Variants in NUAK1 observed in about 807,000 individuals in gnomAD.
The protein encoded by NUAK1 is NUAK family SNF1-like kinase 1.
In NUAK1, 26 loss-of-function variants were observed where a neutral mutation model predicts 56.9. That is an observed-to-expected ratio of 0.46 (90% CI 0.33 to 0.63). The LOEUF (loss-of-function observed/expected upper bound fraction) is 0.63. NUAK1 is among the 30% of genes least tolerant of loss of function. NUAK1 has a pLI of 0.02. For missense variants in NUAK1, 727 were observed against 876.1 expected, an observed-to-expected ratio of 0.83 and a Z score of 2.15; for synonymous variants, 337 against 336.0, an observed-to-expected ratio of 1.00 and a Z score of -0.03.
At chr12:106,102,062 C>T (rs755781584) in intron 2 of NUAK1, among the ~76,000 whole-genome samples, 6 of 151,952 alleles carry the variant, frequency 3.9e-5, no homozygotes, top group Non-Finnish European at 8.8e-5. Context: ...ACAGAACTTG[C>T]GTGGGAGAAG....
Position 106,112,151 on chromosome 12 carries a change from A to G in NUAK1, c.241-5626T>C, listed in dbSNP as rs879439079. Among the ~76,000 whole-genome samples, 7 of 152,162 alleles carry G rather than the reference A, an allele frequency of 4.6e-5. No homozygotes were observed. In the East Asian group the frequency reaches 1.4e-3, roughly 30 times the overall value. On this transcript the variant is annotated intron_variant, in intron 1 of 6. Transcript: ENST00000261402. ...CAGCAGGGAAGAAACACAGTCATAA[A>G]TATGGCATTAGCATCACTTAGTGAG...
chr12:106,115,753 C>G (rs889196747), intron 1 of NUAK1, among the ~76,000 whole-genome samples: 2 of 152,196 alleles, frequency 1.3e-5, no homozygotes, highest in Admixed American at 6.5e-5. Flanking sequence ...CGGCCCCAGA[C>G]GAGCATTTCC....
At chr12:106,128,912 C>A (rs1382230356) in intron 1 of NUAK1, among the ~76,000 whole-genome samples, 1 of 152,214 alleles carries the variant, frequency 6.6e-6, no homozygotes, top group Non-Finnish European at 1.5e-5. Flanking sequence ...ATTAACTCCG[C>A]ACCCCAGCCG....
Position 106,081,977 on chromosome 12 carries a change from C to T in NUAK1, c.579+1887G>A, listed in dbSNP as rs549046827. Among the ~76,000 whole-genome samples, 7 of 152,280 alleles carry T rather than the reference C, an allele frequency of 4.6e-5. No homozygotes were observed. The South Asian group carries it at 1.5e-3, about 32-fold the overall frequency. ...TTTCAGCCATGGCCTGACCACCACT[C>T]CCCAGGACCTAGGTAGGCACCTTCA... On this transcript the variant is annotated intron_variant, in intron 4 of 6. Coordinates refer to ENST00000261402, the MANE Select transcript of NUAK1 (RefSeq NM_014840.3).
intron 1 of NUAK1, among the ~76,000 whole-genome samples, chr12:106,129,540 AAAG>A (rs1483816202): frequency 6.6e-6 from 1 of 152,166 alleles, no homozygotes; most frequent in East Asian, 1.9e-4. Flanking sequence ...GGGCTGAAAC[AAAG>A]AAGTAAGGAA....
intron 2 of NUAK1, among the ~76,000 whole-genome samples, chr12:106,089,627 A>T (rs1380675150): frequency 6.6e-6 from 1 of 152,132 alleles, no homozygotes; most frequent in Admixed American, 6.6e-5. Context: ...ATCTCCACCA[A>T]AAATATAAAA....
chr12:106,124,393 T>G (rs750635737), intron 1 of NUAK1, among the ~76,000 whole-genome samples: 37 of 152,202 alleles, frequency 2.4e-4, no homozygotes, highest in Non-Finnish European at 4.7e-4. Context: ...GAGGAGATAT[T>G]GCAATCATTC....
At chr12:106,076,250 A>C (rs1324566721) in intron 4 of NUAK1, among the ~76,000 whole-genome samples, 3 of 152,220 alleles carry the variant, frequency 2.0e-5, no homozygotes, top group Non-Finnish European at 4.4e-5. Flanking sequence ...CCAGGGCATA[A>C]GAAGTTTTGC....
Position 106,131,803 on chromosome 12 carries a change from C to T in NUAK1, c.240+6611G>A, listed in dbSNP as rs147743635. On this transcript the variant is annotated intron_variant, in intron 1 of 6. Transcript: ENST00000261402. ...CAGTTAAAAGTTTACCGAAGAGTTT[C>T]GCTGTAAAGCCAACATCTGGCTGCT... is the stretch of plus-strand genomic sequence containing the variant. Among the ~76,000 whole-genome samples, 38 of 152,242 alleles carry T rather than the reference C, an allele frequency of 2.5e-4. No homozygotes were observed. In the East Asian group the frequency reaches 7.1e-3, roughly 29 times the overall value.
At chr12:106,121,480 T>C (rs765786128) in intron 1 of NUAK1, among the ~76,000 whole-genome samples, 1 of 152,192 alleles carries the variant, frequency 6.6e-6, no homozygotes, top group Non-Finnish European at 1.5e-5. Context: ...CTGGGCGTGG[T>C]AGCCCACACC....
intron 6 of NUAK1, among the ~76,000 whole-genome samples, chr12:106,068,216 A>T (rs1410106557): frequency 6.6e-6 from 1 of 152,254 alleles, no homozygotes; most frequent in Non-Finnish European, 1.5e-5. Flanking sequence ...ATGTCATAGA[A>T]CTACTAAGCT....
chr12:106,133,049 A>C, intron 1 of NUAK1, among the ~76,000 whole-genome samples: 1 of 152,220 alleles, frequency 6.6e-6, no homozygotes, highest in Non-Finnish European at 1.5e-5. Context: ...ACATGCACCT[A>C]GCATGTTATA....
Position 106,066,934 on chromosome 12 carries a change from G to T in NUAK1, c.1854C>A (p.Asn618Lys), listed in dbSNP as rs201772373. 8.1e-6 allele frequency: 13 copies of T among 1,614,082 alleles called. No individual in the cohort carries two copies. Among genetic ancestry groups the T allele is most frequent in the Admixed American group, 3.3e-5 (2 of 59,968 alleles). The change falls in exon 7 of 7, where the codon AAC (asparagine) becomes AAA (lysine). Residue 618 changes from asparagine to lysine, a missense_variant. Asn to Lys is a moderately conservative substitution (Grantham distance 94, BLOSUM62 0). Transcript: ENST00000261402. ...GCTTCAGGTACTGGGGCCGGGGCCG[G>T]TTCTGGAGCCCCTCAAAGTCCTGGA... ...LQIQDFEGLQ[N>K]RPRPQYLKRY...
At chr12:106,125,762 T>G (rs2033019600) in intron 1 of NUAK1, among the ~76,000 whole-genome samples, 1 of 152,086 alleles carries the variant, frequency 6.6e-6, no homozygotes, top group Non-Finnish European at 1.5e-5. Context: ...TTCCATTTGG[T>G]CCTGCCTGAA....
intron 2 of NUAK1, among the ~76,000 whole-genome samples, chr12:106,091,086 A>T (rs564638062): frequency 1.3e-5 from 2 of 152,204 alleles, no homozygotes; most frequent in Non-Finnish European, 2.9e-5. Flanking sequence ...TAGCAAAAAA[A>T]GGCTGCTTCC....
chr12:106,115,107 C>T (rs2032902806), intron 1 of NUAK1, among the ~76,000 whole-genome samples: 1 of 152,190 alleles, frequency 6.6e-6, no homozygotes, highest in African/African-American at 2.4e-5. Context: ...TAAATGATAA[C>T]TTCAGGCCAC....
At chr12:106,137,970 G>C (rs544594036) in intron 1 of NUAK1, among the ~76,000 whole-genome samples, 83 of 152,282 alleles carry the variant, frequency 5.5e-4, no homozygotes, top group Admixed American at 1.1e-3. Flanking sequence ...TGGGTGGAAG[G>C]GGGTAGGGAC....
rs1157768967 is a variant in NUAK1 at position 106,067,973 on chromosome 12, A to T, written c.833-18T>A. ...TCGAGCATCTAAGGGACAAGGGACA[A>T]AAAGAATCGGGCATTATGTGGGAGC... On this transcript the variant is annotated intron_variant, in intron 6 of 6. Coordinates refer to ENST00000261402, the MANE Select transcript of NUAK1 (RefSeq NM_014840.3). The surrounding 1 kb of genome is among the most constrained non-coding windows in gnomAD (Gnocchi z 6.0). 6.3e-7 allele frequency: 1 copy of T among 1,581,608 alleles called. No individual in the cohort carries two copies. The highest frequency in any genetic ancestry group is 8.6e-7 in the Non-Finnish European group (1 of 1,162,100).
At chr12:106,092,569 G>A (rs1035115724) in intron 2 of NUAK1, among the ~76,000 whole-genome samples, 4 of 151,998 alleles carry the variant, frequency 2.6e-5, no homozygotes, top group African/African-American at 4.8e-5. Context: ...AATAATCTAC[G>A]TTGCTCAATG....
Sources: allele counts gnomAD v4.1 joint callset (sites outside exome capture counted in the v4.1 genomes callset), GRCh38; gene constraint gnomAD v4.1.1; non-coding constraint Gnocchi (gnomAD v3.1); transcripts MANE v1.5; gene names NCBI Gene and HGNC (gene_info 2026-07-23, HGNC 2026-07-21).